Variants in TEX2 observed in about 807,000 individuals in gnomAD.
TEX2 encodes the protein testis-expressed protein 2.
A neutral mutation model predicts 106.9 loss-of-function variants in TEX2; 53 were observed. The ratio of observed to expected loss-of-function variants is 0.50; its 90% CI spans 0.40 to 0.62. TEX2 has a LOEUF of 0.62. Among genes scored for constraint, TEX2 ranks in the 20% least tolerant of loss-of-function variants. TEX2 has a pLI of 0.00. For synonymous variants in TEX2, 523 were observed against 534.8 expected (o/e 0.98, Z 0.30); for missense variants, 1,207 against 1,379.0 (o/e 0.88, Z 1.98).
chr17:64,154,597 A>G (rs2030522645), intron 9 of TEX2, among the ~76,000 whole-genome samples: 2 of 152,198 alleles, frequency 1.3e-5, no homozygotes, highest in Non-Finnish European at 2.9e-5. Context: ...ACACCCTTCA[A>G]CTTCTCTATT....
At chr17:64,233,323 C>T (rs1299060448) in intron 1 of TEX2, among the ~76,000 whole-genome samples, 1 of 152,160 alleles carries the variant, frequency 6.6e-6, no homozygotes, top group African/African-American at 2.4e-5. Flanking sequence ...CCTGTAATCC[C>T]AGCACTTTGG....
intron 5 of TEX2, among the ~76,000 whole-genome samples, chr17:64,180,184 C>T (rs544530109): frequency 6.6e-6 from 1 of 152,250 alleles, no homozygotes; most frequent in African/African-American, 2.4e-5. Flanking sequence ...CGTAAGACAC[C>T]ACGTGTCTTA....
At chr17:64,202,930 G>C (rs2032716185) in intron 2 of TEX2, among the ~76,000 whole-genome samples, 1 of 152,214 alleles carries the variant, frequency 6.6e-6, no homozygotes, top group Non-Finnish European at 1.5e-5. Flanking sequence ...TCCTGTGATG[G>C]CATTTGTAAA....
rs973957927 is a variant in TEX2, at chr17:64,148,853, G to A, written c.*116C>T. 7.5e-7 allele frequency: 1 copy of A among 1,340,966 alleles called. No individual in the cohort carries two copies. The highest frequency in any genetic ancestry group is 1.0e-6 in the Non-Finnish European group (1 of 971,914). 83.1% of individuals were successfully genotyped at this position (1,340,966 alleles called of 1,614,324 possible). A position where few individuals can be genotyped will look rare whatever the true frequency, so the allele number is the denominator to read the frequency against. On this transcript the variant is annotated 3_prime_UTR_variant, in exon 12 of 12. Coordinates refer to ENST00000584379, the MANE Select transcript of TEX2 (RefSeq NM_001288732.2). The stretch of plus-strand genomic sequence containing the variant: ...CACTGGCAGGCAGAGGGCAGAAGCA[G>A]TCCTTTAAGAAACAGTAGCTGTGGC...
At chr17:64,151,654 A>G (rs767259328) in intron 10 of TEX2, among the ~76,000 whole-genome samples, 10 of 152,230 alleles carry the variant, frequency 6.6e-5, no homozygotes, top group Admixed American at 1.3e-4. Flanking sequence ...AAATATTTCT[A>G]AACACTCTAT....
At chr17:64,248,010 G>A (rs1218165099) in intron 1 of TEX2, among the ~76,000 whole-genome samples, 1 of 152,192 alleles carries the variant, frequency 6.6e-6, no homozygotes, top group African/African-American at 2.4e-5. Flanking sequence ...GCAAGACAGA[G>A]ACAGCATGTG....
At chr17:64,208,662 T>G (rs895742857) in intron 2 of TEX2, among the ~76,000 whole-genome samples, 5 of 152,182 alleles carry the variant, frequency 3.3e-5, no homozygotes, top group African/African-American at 1.2e-4. Context: ...TCTCATTCTG[T>G]CACCCAGGCT....
Position 64,195,159 on chromosome 17 carries a change from G to GATGA in TEX2, c.1645-68_1645-65dup. The GATGA allele has an allele frequency of 6.8e-7, 1 of 1,463,884 alleles. No individual in the cohort carries two copies. Among genetic ancestry groups the GATGA allele is most frequent in the Non-Finnish European group, 9.5e-7 (1 of 1,052,708 alleles). The allele number at this position is 1,463,884 out of a possible 1,614,324, so 90.7% of individuals were successfully genotyped here. A position where few individuals can be genotyped will look rare whatever the true frequency, so the allele number is the denominator to read the frequency against. ...TCGCAAATCTGATTTAGTGTGAAAT[G>GATGA]ATGAACACTGTGGTATTTGGGACAC... is the stretch of plus-strand genomic sequence containing the variant. On this transcript the variant is annotated intron_variant, in intron 2 of 11. Coordinates refer to ENST00000584379, the MANE Select transcript of TEX2 (RefSeq NM_001288732.2). The surrounding 1 kb of genome is among the most constrained non-coding windows in gnomAD (Gnocchi z 4.1).
In TEX2 at chr17:64,213,503, C is replaced by A. The variant is rs1555632066; in HGVS notation, c.715G>T (p.Asp239Tyr). 2 of 1,614,026 alleles carry A rather than the reference C, an allele frequency of 1.2e-6. No homozygotes were observed. The highest frequency in any genetic ancestry group is 1.7e-6 in the Non-Finnish European group (2 of 1,180,004). The change falls in exon 2 of 12, where the codon GAT becomes TAT. Residue 239 changes from aspartate (D) to tyrosine (Y), a missense_variant. Physicochemically the swap from Asp to Tyr is radical, Grantham distance 160 (BLOSUM62 -3). This residue lies in a region of TEX2 where 1,067 missense variants were observed against 1,193.6 expected (regional missense o/e 0.89). Coordinates refer to ENST00000584379, the MANE Select transcript of TEX2 (RefSeq NM_001288732.2). This position sits in a 1 kb window ranked among gnomAD's most constrained non-coding sequence, Gnocchi z 4.4. The part of the protein sequence containing the change: ...ESDTVSYKPP[D>Y]SKLNLHLFKQ... Reference sequence around the variant, plus strand: ...AACAGGTGTAAGTTCAGTTTGGAATCAGGTGGCTTATAGGACACTGTATCC... The same window carrying A: ...AACAGGTGTAAGTTCAGTTTGGAATAAGGTGGCTTATAGGACACTGTATCC...
intron 7 of TEX2, among the ~76,000 whole-genome samples, chr17:64,169,586 G>A (rs181482970): frequency 4.9e-4 from 74 of 152,236 alleles, no homozygotes; most frequent in Non-Finnish European, 1.0e-4. Context: ...GATGTGATGC[G>A]AAAAACATGG....
intron 2 of TEX2, among the ~76,000 whole-genome samples, chr17:64,196,982 A>ATTTTTCT (rs2032491975): frequency 1.6e-5 from 1 of 63,568 alleles, no homozygotes; most frequent in Admixed American, 2.6e-4. Context: ...TCAAATCAAG[A>ATTTTTCT]TTTTTTTTTT....
intron 1 of TEX2, among the ~76,000 whole-genome samples, chr17:64,245,138 T>C (rs1461469659): frequency 2.0e-5 from 3 of 152,198 alleles, no homozygotes; most frequent in African/African-American, 7.2e-5. Context: ...ATTTGGAAAA[T>C]AATCAGTTTT....
At chr17:64,170,930 C>T (rs1451619969) in intron 7 of TEX2, among the ~76,000 whole-genome samples, 170 bp downstream of exon 7, 6 of 152,054 alleles carry the variant, frequency 3.9e-5, no homozygotes, top group Non-Finnish European at 5.9e-5. Flanking sequence ...CCACCATGCC[C>T]GGCCCCAAAT....
intron 1 of TEX2, among the ~76,000 whole-genome samples, chr17:64,246,200 C>T (rs2033984983): frequency 6.6e-6 from 1 of 152,204 alleles, no homozygotes; most frequent in Non-Finnish European, 1.5e-5. Context: ...ATTCTTGACT[C>T]TAAATTTCTG....
intron 2 of TEX2, among the ~76,000 whole-genome samples, chr17:64,197,424 C>T (rs1353754689): frequency 6.6e-6 from 1 of 152,052 alleles, no homozygotes; most frequent in Non-Finnish European, 1.5e-5. Flanking sequence ...TACAATATTT[C>T]CCTATAATCC....
At chr17:64,168,944 C>T (rs973284879) in intron 7 of TEX2, among the ~76,000 whole-genome samples, 2 of 132,802 alleles carry the variant, frequency 1.5e-5, no homozygotes, top group Non-Finnish European at 3.1e-5. Flanking sequence ...CTCTGTTGCC[C>T]AGGCCTCAGA....
intron 11 of TEX2, 153 bp downstream of exon 11, chr17:64,150,688 T>C (rs2030307628): frequency 1.1e-5 from 8 of 761,814 alleles, no homozygotes; most frequent in Non-Finnish European, 1.4e-5. Context: ...TGAAGTTTTA[T>C]TCCCATATTT....
chr17:64,173,912 CA>C (rs199615559), intron 6 of TEX2, among the ~76,000 whole-genome samples: 2,875 of 152,216 alleles, frequency 0.019, 40 homozygotes, highest in Non-Finnish European at 0.03. Flanking sequence ...GTGGTGCAAT[CA>C]TGGCTCACTG....
intron 5 of TEX2, among the ~76,000 whole-genome samples, chr17:64,179,430 C>A (rs528231998): frequency 1.3e-5 from 2 of 152,336 alleles, no homozygotes; most frequent in South Asian, 4.1e-4. Context: ...GCAGCAGCGG[C>A]AACCTGCTTG....
Sources: allele counts gnomAD v4.1 joint callset (sites outside exome capture counted in the v4.1 genomes callset), GRCh38; gene constraint gnomAD v4.1.1; regional missense constraint gnomAD v4.1.1; non-coding constraint Gnocchi (gnomAD v3.1); transcripts MANE v1.5; gene names NCBI Gene and HGNC (gene_info 2026-07-23, HGNC 2026-07-21).